Variants in RNF212 observed in about 807,000 individuals in gnomAD.
RNF212 encodes the protein probable E3 SUMO-protein ligase RNF212.
RNF212 carries 33 observed loss-of-function variants against 34.7 expected under a neutral mutation model. The observed-to-expected ratio is 0.95, with a 90% CI of 0.72 to 1.27. The LOEUF (loss-of-function observed/expected upper bound fraction) is 1.27, where lower values mean the gene tolerates loss of function less well. RNF212 is among the 50% of genes most tolerant of loss of function. The pLI is 0.00. For missense variants in RNF212, 377 were observed against 362.2 expected (o/e 1.04, Z -0.33); for synonymous variants, 140 against 136.1 (o/e 1.03, Z -0.20).
intron 2 of RNF212, among the ~76,000 whole-genome samples, chr4:1,103,053 A>C (rs764744815): frequency 1.1e-3 from 168 of 152,316 alleles, no homozygotes; most frequent in Admixed American, 2.1e-3. Flanking sequence ...CATAATACCC[A>C]CTGTTAAACA....
At chr4:1,080,122 C>T (rs948215750) in intron 7 of RNF212, among the ~76,000 whole-genome samples, 5 of 152,204 alleles carry the variant, frequency 3.3e-5, no homozygotes, top group East Asian at 1.9e-4. Flanking sequence ...CGTGCACGCT[C>T]GGTACGCACT....
chr4:1,081,325 G>C (rs1028531074), intron 7 of RNF212, 94 bp downstream of exon 7: 2 of 1,067,800 alleles, frequency 1.9e-6, no homozygotes, highest in Non-Finnish European at 1.5e-6. Context: ...GCAAAATCTG[G>C]GGGCTTGGAG....
chr4:1,109,805 G>GC (rs1725375736), intron 1 of RNF212, among the ~76,000 whole-genome samples: 1 of 152,110 alleles, frequency 6.6e-6, no homozygotes, highest in South Asian at 2.1e-4. Context: ...ATCTCTTCCA[G>GC]CCCAAGCCCA....
intron 5 of RNF212, 195 bp from the exon 6 acceptor site, chr4:1,081,814 A>G: frequency 3.5e-6 from 2 of 575,228 alleles, no homozygotes; most frequent in East Asian, 2.9e-5. Context: ...CTAGCGCTGA[A>G]GCCAAGTGAA....
intron 3 of RNF212, among the ~76,000 whole-genome samples, chr4:1,060,837 C>A (rs988620633): frequency 2.0e-5 from 3 of 152,204 alleles, no homozygotes; most frequent in Admixed American, 6.5e-5. Flanking sequence ...GCAGGGCAGA[C>A]AACGCACAGA....
At chr4:1,099,877 GC>G in intron 2 of RNF212, 1 of 456,268 alleles carries the variant, frequency 2.2e-6, no homozygotes, top group South Asian at 1.5e-5. Flanking sequence ...TCCTCACGCA[GC>G]TGTAAAGGCG....
chr4:1,069,628 T>C (rs1042539030), downstream of RNF212, among the ~76,000 whole-genome samples: 6 of 152,214 alleles, frequency 3.9e-5, no homozygotes, highest in Non-Finnish European at 8.8e-5. Context: ...TGAACATCCC[T>C]GTGGCAGAAC....
At chr4:1,057,189 C>T (rs1026439712) in intron 4 of RNF212, among the ~76,000 whole-genome samples, 5 of 152,146 alleles carry the variant, frequency 3.3e-5, no homozygotes, top group Non-Finnish European at 7.3e-5. Flanking sequence ...CTGCAGGGCC[C>T]GTGGGCACCC....
At position 1,090,323 on chromosome 4, in the gene RNF212, C is replaced by A. The variant is rs75938345; in HGVS notation, c.303+459G>T. 2.5e-3 allele frequency among the ~76,000 whole-genome samples: 381 copies of A among 152,232 alleles called. 3 individuals carry two copies. Among genetic ancestry groups the A allele is most frequent in the African/African-American group, 8.9e-3 (370 of 41,538 alleles). On this transcript the variant is annotated intron_variant, in intron 4 of 9. Transcript: ENST00000433731. ...ATGTTCATGGACAGACAGGAGGCAG[C>A]AGGGTCACAAGCTGGCTTCCAGACT...
intron 3 of RNF212, among the ~76,000 whole-genome samples, chr4:1,060,032 T>G (rs1717640300): frequency 1.4e-5 from 2 of 145,444 alleles, no homozygotes; most frequent in Admixed American, 1.4e-4. Context: ...AGGCGGAGGT[T>G]AGGTTGCAGT....
chr4:1,090,695 T>A (rs1722050997), intron 4 of RNF212, 87 bp downstream of exon 4: 1 of 793,236 alleles, frequency 1.3e-6, no homozygotes, highest in African/African-American at 1.7e-5. Context: ...AGCCATCCCC[T>A]TTGAGAGCAA....
chr4:1,082,632 TCACTTATC>T (rs2153044126), intron 5 of RNF212, among the ~76,000 whole-genome samples: 1 of 152,128 alleles, frequency 6.6e-6, no homozygotes, highest in African/African-American at 2.4e-5. Context: ...TCACCCAGAG[TCACTTATC>T]CTGACAGCCT....
intron 1 of RNF212, among the ~76,000 whole-genome samples, chr4:1,109,641 C>T (rs1025550606): frequency 6.6e-6 from 1 of 152,220 alleles, no homozygotes; most frequent in Admixed American, 6.5e-5. Context: ...CCCCATTCCC[C>T]ATGGGGCTGC....
At chr4:1,103,670 T>A (rs1030048126) in intron 2 of RNF212, among the ~76,000 whole-genome samples, 2 of 152,164 alleles carry the variant, frequency 1.3e-5, no homozygotes, top group East Asian at 3.8e-4. Flanking sequence ...AGCTATAGAA[T>A]AAGCTAATAA....
chr4:1,092,205 G>A (rs1251933586), intron 3 of RNF212, among the ~76,000 whole-genome samples: 1 of 152,242 alleles, frequency 6.6e-6, no homozygotes, highest in East Asian at 1.9e-4. Context: ...CCCGGCTGTG[G>A]GGGTGCCTGG....
chr4:1,083,401 G>C (rs1223267009), intron 5 of RNF212, among the ~76,000 whole-genome samples: 1 of 152,098 alleles, frequency 6.6e-6, no homozygotes, highest in Non-Finnish European at 1.5e-5. Context: ...CCAGCACTTC[G>C]GGAGGCTGAG....
At chr4:1,089,349 C>T (rs915088569) in intron 4 of RNF212, among the ~76,000 whole-genome samples, 1 of 152,210 alleles carries the variant, frequency 6.6e-6, no homozygotes, top group Non-Finnish European at 1.5e-5. Flanking sequence ...GCCTGCAGCC[C>T]CTTTGTTTTG....
intron 3 of RNF212, among the ~76,000 whole-genome samples, chr4:1,064,631 T>C (rs1481635702): frequency 6.6e-6 from 1 of 152,202 alleles, no homozygotes; most frequent in East Asian, 1.9e-4. Context: ...GTGTCTCTTT[T>C]GTTTTTTGAA....
At chr4:1,080,570 C>T (rs563260370) in intron 7 of RNF212, among the ~76,000 whole-genome samples, 17 of 152,262 alleles carry the variant, frequency 1.1e-4, no homozygotes, top group African/African-American at 3.6e-4. Flanking sequence ...TCAGTCACAG[C>T]GGGACCCCGT....
Sources: allele counts gnomAD v4.1 joint callset (sites outside exome capture counted in the v4.1 genomes callset), GRCh38; gene constraint gnomAD v4.1.1; transcripts MANE v1.5; gene names NCBI Gene and HGNC (gene_info 2026-07-23, HGNC 2026-07-21).